The following GATAD2A variants were observed in gnomAD, a reference collection of about 807,000 sequenced individuals.
The protein encoded by GATAD2A is GATA zinc finger domain containing 2A, also known as transcriptional repressor p66-alpha.
GATAD2A carries 12 observed loss-of-function variants against 68.5 expected under a neutral mutation model. The ratio of observed to expected loss-of-function variants is 0.18; its 90% CI spans 0.11 to 0.28. The LOEUF is 0.28. Ranked by LOEUF, GATAD2A falls within the 10% of genes least tolerant of loss-of-function variation. The probability of loss-of-function intolerance (pLI) is 1.00; values close to 1 mark genes in which losing one functional copy is unlikely to be tolerated. For synonymous variants in GATAD2A, 410 were observed against 375.3 expected (o/e 1.09, Z -1.07); for missense variants, 755 against 868.5 (o/e 0.87, Z 1.64).
At chr19:19,484,682 C>T (rs1000679008) in intron 2 of GATAD2A, among the ~76,000 whole-genome samples, 5 of 151,700 alleles carry the variant, frequency 3.3e-5, no homozygotes, top group African/African-American at 4.8e-5. Flanking sequence ...TACAGGCGCC[C>T]GCCACCTCGC....
At chr19:19,462,196 G>T (rs115428080) in intron 1 of GATAD2A, among the ~76,000 whole-genome samples, 1 of 152,212 alleles carries the variant, frequency 6.6e-6, no homozygotes, top group Admixed American at 6.5e-5. Flanking sequence ...CTTGCTGTGC[G>T]GTGGCCGCCA....
intron 11 of GATAD2A, among the ~76,000 whole-genome samples, chr19:19,503,834 G>T (rs2060705452): frequency 6.6e-6 from 1 of 152,140 alleles, no homozygotes; most frequent in Non-Finnish European, 1.5e-5. Context: ...CTGGAGTGCT[G>T]CCCTTGCACA....
chr19:19,426,619 T>C (rs982469173), intron 1 of GATAD2A, among the ~76,000 whole-genome samples: 1 of 152,224 alleles, frequency 6.6e-6, no homozygotes, highest in African/African-American at 2.4e-5. Context: ...CCAGTGATTC[T>C]TGTGCCTCAG....
intron 1 of GATAD2A, among the ~76,000 whole-genome samples, chr19:19,446,228 T>G (rs2055703441): frequency 6.6e-6 from 1 of 152,222 alleles, no homozygotes; most frequent in African/African-American, 2.4e-5. Context: ...TCCTAGTGGG[T>G]GTGAAGCGGT....
At chr19:19,438,154 G>GT (rs1485226730) in intron 1 of GATAD2A, among the ~76,000 whole-genome samples, 1 of 152,234 alleles carries the variant, frequency 6.6e-6, no homozygotes, top group African/African-American at 2.4e-5. Flanking sequence ...CTGTTGTGCT[G>GT]TAACTACTAT....
chr19:19,501,106 G>A lies in GATAD2A; in HGVS notation c.1205-12G>A, dbSNP rs1879861221. 1 of 1,605,328 alleles carries A rather than the reference G, an allele frequency of 6.2e-7. No individual in the cohort carries two copies. The highest frequency in any genetic ancestry group is 8.5e-7 in the Non-Finnish European group (1 of 1,173,906). The stretch of plus-strand genomic sequence containing the variant: ...GGCCCTCTGACGTGAGCCATGTGCT[G>A]TCTGCTTGCAGCAGGCAGGATGTCG... On this transcript the variant is annotated splice_polypyrimidine_tract_variant and intron_variant, in intron 8 of 11. Coordinates refer to ENST00000683918, the MANE Select transcript of GATAD2A (RefSeq NM_001384528.1).
intron 1 of GATAD2A, among the ~76,000 whole-genome samples, chr19:19,436,487 A>G (rs1037137024): frequency 2.0e-5 from 3 of 152,240 alleles, no homozygotes; most frequent in Admixed American, 6.5e-5. Flanking sequence ...GTCCTCTCTG[A>G]GGGGCAGGGG....
At chr19:19,449,594 CAA>C (rs10532588) in intron 1 of GATAD2A, among the ~76,000 whole-genome samples, 31,135 of 140,942 alleles carry the variant, frequency 0.22, 3,329 homozygotes, top group Middle Eastern at 0.29. Flanking sequence ...TTAAATGTAT[CAA>C]AAAAAAAAAA....
Position 19,507,979 on chromosome 19 carries a change from T to C in GATAD2A, c.*2505T>C, listed in dbSNP as rs151148187. 1.3e-5 allele frequency: 2 copies of C among 152,270 alleles called. No individual in the cohort carries two copies. The highest frequency in any genetic ancestry group is 3.9e-4 in the East Asian group (2 of 5,178). 9.4% of individuals were successfully genotyped at this position (152,270 alleles called of 1,614,324 possible). A position where few individuals can be genotyped will look rare whatever the true frequency, so the allele number is the denominator to read the frequency against. ...GGGTTTGGACGCACCAGGATAGCTA[T>C]TGATTAATGTTAAGGGTGTTCTACC... On this transcript the variant is annotated 3_prime_UTR_variant, in exon 12 of 12. Transcript: ENST00000683918.
At position 19,421,347 on chromosome 19, in the gene GATAD2A, CT is replaced by C. The variant is rs2052395342; in HGVS notation, c.-7+15329del. ...GATGAGTGAACTAACGCCCCTGCCC[CT>C]ATGGCCCTGCCCCTCCTCACCCCTT... On this transcript the variant is annotated intron_variant, in intron 1 of 11. Coordinates refer to ENST00000683918, the MANE Select transcript of GATAD2A (RefSeq NM_001384528.1). Among the ~76,000 whole-genome samples the C allele has an allele frequency of 1.3e-5, 2 of 152,164 alleles. 1 individual carries two copies. Among genetic ancestry groups the C allele is most frequent in the South Asian group, 4.1e-4 (2 of 4,822 alleles).
At chr19:19,437,917 T>C (rs1380146417) in intron 1 of GATAD2A, among the ~76,000 whole-genome samples, 1 of 152,220 alleles carries the variant, frequency 6.6e-6, no homozygotes, top group Admixed American at 6.5e-5. Context: ...ATGCCTGTGT[T>C]GCGTTCTTCT....
intron 11 of GATAD2A, among the ~76,000 whole-genome samples, chr19:19,504,992 T>C (rs2060792130): frequency 6.6e-6 from 1 of 152,222 alleles, no homozygotes; most frequent in East Asian, 1.9e-4. Flanking sequence ...ATTATTGTCC[T>C]GTTGCACACA....
At chr19:19,478,824 C>CA (rs913213352) in intron 2 of GATAD2A, among the ~76,000 whole-genome samples, 104 of 144,116 alleles carry the variant, frequency 7.2e-4, no homozygotes, top group South Asian at 5.2e-3. Flanking sequence ...AAAAAAAAAA[C>CA]AAAAAAAAAC....
chr19:19,452,538 G>T (rs935410118), intron 1 of GATAD2A, among the ~76,000 whole-genome samples: 6 of 152,060 alleles, frequency 3.9e-5, no homozygotes, highest in African/African-American at 1.4e-4. Context: ...CCCAAGTCCA[G>T]GGAGCCCCAG....
intron 2 of GATAD2A, among the ~76,000 whole-genome samples, chr19:19,491,711 G>A (rs1277095057): frequency 6.6e-6 from 1 of 152,262 alleles, no homozygotes; most frequent in East Asian, 1.9e-4. Context: ...TTGTGAGCAA[G>A]CTGGCAGCCT....
Position 19,495,802 on chromosome 19 carries a change from C to T in GATAD2A, c.673C>T (p.Arg225Ter). 2 of 1,613,710 alleles carry T rather than the reference C, an allele frequency of 1.2e-6. No homozygotes were observed. Among genetic ancestry groups the T allele is most frequent in the Non-Finnish European group, 1.7e-6 (2 of 1,179,806 alleles). ...CAGTGTCATACCCCCGCCCCTGGTC[C>T]GAGGTGGGCAGCAGGCGTCCTCGAA... The part of the protein sequence containing the change: ...PGSVIPPPLV[R>*]GGQQASSKLG... The change falls in exon 6 of 12, where the codon CGA becomes TGA. Residue 225 changes from arginine to a stop codon, truncating the protein, a stop_gained. Coordinates refer to ENST00000683918, the MANE Select transcript of GATAD2A (RefSeq NM_001384528.1). LOFTEE classifies it high-confidence loss of function.
At chr19:19,449,084 A>T (rs1176964444) in intron 1 of GATAD2A, among the ~76,000 whole-genome samples, 4 of 152,118 alleles carry the variant, frequency 2.6e-5, no homozygotes, top group African/African-American at 9.7e-5. Flanking sequence ...CCTGATTAAG[A>T]ACTATGCTTC....
intron 1 of GATAD2A, among the ~76,000 whole-genome samples, chr19:19,442,630 A>G (rs1398385893): frequency 6.6e-6 from 1 of 152,108 alleles, no homozygotes; most frequent in Non-Finnish European, 1.5e-5. Flanking sequence ...TGTGTCTCAC[A>G]AAAAGAAAAA....
chr19:19,450,259 C>A (rs964600110), intron 1 of GATAD2A, among the ~76,000 whole-genome samples: 1 of 152,188 alleles, frequency 6.6e-6, no homozygotes, highest in East Asian at 1.9e-4. Flanking sequence ...GCAAGGGACC[C>A]TGCCATTCAG....
Sources: gnomAD v4.1 joint callset for allele counts (sites outside exome capture counted in the v4.1 genomes callset) on GRCh38, gnomAD v4.1.1 for gene constraint, MANE v1.5 for transcripts, NCBI Gene and HGNC (gene_info 2026-07-23, HGNC 2026-07-21) for gene names.